The following RREB1 variants were observed in gnomAD, a reference collection of about 807,000 sequenced individuals.
RREB1 encodes the protein ras-responsive element-binding protein 1.
Under a neutral mutation model 117.8 loss-of-function variants are expected in RREB1, and 27 were observed. That is an observed-to-expected ratio of 0.23 (90% confidence interval 0.17 to 0.32). The LOEUF is 0.32. Ranked by LOEUF, RREB1 falls within the 10% of genes least tolerant of loss-of-function variation. RREB1 has a pLI of 1.00. For missense variants in RREB1, 2,577 were observed against 2,378.2 expected, an observed-to-expected ratio of 1.08 and a Z score of -1.74; for synonymous variants, 1,298 against 1,026.7, an observed-to-expected ratio of 1.26 and a Z score of -5.05.
At chr6:7,120,317 G>C (rs576661389) in intron 1 of RREB1, among the ~76,000 whole-genome samples, 1 of 152,140 alleles carries the variant, frequency 6.6e-6, no homozygotes, top group East Asian at 1.9e-4. Context: ...AGCCGGGCAT[G>C]GTGGTACACA....
chr6:7,203,783 A>G (rs1350699221), intron 6 of RREB1, among the ~76,000 whole-genome samples: 1 of 152,242 alleles, frequency 6.6e-6, no homozygotes, highest in Non-Finnish European at 1.5e-5. Flanking sequence ...GTATTGCCCT[A>G]GTATTGCAGG....
At position 7,110,350 on chromosome 6, in the gene RREB1, T is replaced by TA. The variant is rs1351257128; in HGVS notation, c.-285+2294dup. Among the ~76,000 whole-genome samples the TA allele has an allele frequency of 1.4e-4, 22 of 152,352 alleles. No individual in the cohort carries two copies. The East Asian group carries it at 4.0e-3, about 28-fold the overall frequency. On this transcript the variant is annotated intron_variant, in intron 1 of 12. Coordinates refer to ENST00000379938, the MANE Select transcript of RREB1 (RefSeq NM_001003699.4). ...GTTAGATAGAGGCCAAAGTGTTGGC[T>TA]AAAACCTCTTTGAAAAACAAACGTT...
rs6899961 is a variant in RREB1, at chr6:7,172,699, T to C, written c.-284-3956T>C. 1.7e-4 allele frequency among the ~76,000 whole-genome samples: 19 copies of C among 109,686 alleles called. No individual in the cohort carries two copies. The South Asian group carries it at 4.3e-3, about 25-fold the overall frequency. 72.0% of individuals were successfully genotyped at this position (109,686 alleles called of 152,430 possible). A position where few individuals can be genotyped will look rare whatever the true frequency, so the allele number is the denominator to read the frequency against. On this transcript the variant is annotated intron_variant, in intron 1 of 12. Coordinates refer to ENST00000379938, the MANE Select transcript of RREB1 (RefSeq NM_001003699.4). ...GCCACGGGTTGCCGGTGTGGGGGGG[T>C]GGGGGTGACTTTCTTGGGTTGCCGC...
chr6:7,122,102 C>T (rs1286769158), intron 1 of RREB1, among the ~76,000 whole-genome samples: 1 of 152,184 alleles, frequency 6.6e-6, no homozygotes, highest in East Asian at 1.9e-4. Context: ...TAATGCTTTT[C>T]TCTAATATCA....
intron 1 of RREB1, among the ~76,000 whole-genome samples, chr6:7,142,036 A>G (rs2113389463): frequency 6.6e-6 from 1 of 151,684 alleles, no homozygotes; most frequent in South Asian, 2.1e-4. Context: ...ACATGGTGAA[A>G]CCCCGTCTGT....
intron 5 of RREB1, 131 bp downstream of exon 5, chr6:7,187,654 A>C (rs1765158206): frequency 1.8e-5 from 7 of 380,144 alleles, no homozygotes; most frequent in Non-Finnish European, 3.0e-5. Flanking sequence ...CACTGTGAGC[A>C]ATCAGTTGAG....
chr6:7,138,246 T>C (rs745358243), intron 1 of RREB1, among the ~76,000 whole-genome samples: 1 of 152,226 alleles, frequency 6.6e-6, no homozygotes, highest in Non-Finnish European at 1.5e-5. Context: ...TGCCAGTTAC[T>C]GTGGTATTTA....
intron 6 of RREB1, among the ~76,000 whole-genome samples, chr6:7,197,542 A>G (rs2113579148): frequency 6.6e-6 from 1 of 152,338 alleles, no homozygotes; most frequent in African/African-American, 2.4e-5. Flanking sequence ...AAAATTAGCC[A>G]GATTACCCAT....
At chr6:7,120,970 C>A (rs1348209551) in intron 1 of RREB1, among the ~76,000 whole-genome samples, 2 of 151,714 alleles carry the variant, frequency 1.3e-5, no homozygotes, top group Non-Finnish European at 2.9e-5. Flanking sequence ...ATTACAGGTG[C>A]CTGCCACTAC....
chr6:7,123,527 A>G (rs1260645668), intron 1 of RREB1, among the ~76,000 whole-genome samples: 1 of 151,622 alleles, frequency 6.6e-6, no homozygotes, highest in Non-Finnish European at 1.5e-5. Flanking sequence ...AAGTTAATAA[A>G]TAAATACATG....
intron 7 of RREB1, among the ~76,000 whole-genome samples, 184 bp from the exon 8 acceptor site, chr6:7,211,389 T>TGGATGGATGGATGGTA (rs1311328460): frequency 1.3e-5 from 2 of 151,036 alleles, no homozygotes; most frequent in South Asian, 2.1e-4. Context: ...GATGGATGGA[T>TGGATGGATGGATGGTA]GGTAGCGTTC....
At chr6:7,220,500 G>A (rs1197024560) in intron 8 of RREB1, among the ~76,000 whole-genome samples, 1 of 152,130 alleles carries the variant, frequency 6.6e-6, no homozygotes, top group Non-Finnish European at 1.5e-5. Flanking sequence ...GGTCAGTGGG[G>A]TTTTGTTAAT....
At chr6:7,158,887 GC>G (rs1405951716) in intron 1 of RREB1, among the ~76,000 whole-genome samples, 1 of 151,496 alleles carries the variant, frequency 6.6e-6, no homozygotes, top group Non-Finnish European at 1.5e-5. Flanking sequence ...AACCTTGATA[GC>G]TTAAAGGCCA....
chr6:7,115,259 A>G (rs1190227245), intron 1 of RREB1, among the ~76,000 whole-genome samples: 1 of 151,900 alleles, frequency 6.6e-6, no homozygotes, highest in Non-Finnish European at 1.5e-5. Flanking sequence ...TTTTTATGTT[A>G]AGGGACCCCA....
At chr6:7,243,142 A>T (rs1383231079) in intron 11 of RREB1, among the ~76,000 whole-genome samples, 1 of 152,106 alleles carries the variant, frequency 6.6e-6, no homozygotes, top group Non-Finnish European at 1.5e-5. Flanking sequence ...ACCTCAGGAA[A>T]CCCTCTCCAT....
At chr6:7,148,544 G>C (rs553646310) in intron 1 of RREB1, among the ~76,000 whole-genome samples, 3 of 150,080 alleles carry the variant, frequency 2.0e-5, no homozygotes, top group Non-Finnish European at 3.0e-5. Flanking sequence ...AAGTAAAGTG[G>C]GGGGGGGTGG....
At chr6:7,166,903 G>A (rs1308128658) in intron 1 of RREB1, among the ~76,000 whole-genome samples, 1 of 152,178 alleles carries the variant, frequency 6.6e-6, no homozygotes, top group Admixed American at 6.5e-5. Context: ...TGAAAGAGTT[G>A]CAGGATATTG....
intron 1 of RREB1, among the ~76,000 whole-genome samples, chr6:7,116,158 G>A (rs1304149245): frequency 6.6e-6 from 1 of 152,170 alleles, no homozygotes; most frequent in Admixed American, 6.5e-5. Flanking sequence ...TTGTCTACAG[G>A]AAGAAATCCA....
intron 8 of RREB1, chr6:7,218,738 C>T (rs1482479160): frequency 6.6e-6 from 1 of 151,576 alleles, no homozygotes; most frequent in East Asian, 1.9e-4. Flanking sequence ...CCATTACTCC[C>T]TCTAGAGAAT....
Sources: allele counts gnomAD v4.1 joint callset (sites outside exome capture counted in the v4.1 genomes callset), GRCh38; gene constraint gnomAD v4.1.1; transcripts MANE v1.5; gene names NCBI Gene and HGNC (gene_info 2026-07-23, HGNC 2026-07-21).